The following CFAP54 variants were observed in gnomAD, a reference collection of about 807,000 sequenced individuals.
CFAP54 encodes the protein cilia and flagella associated protein 54, also known as cilia- and flagella-associated protein 54.
CFAP54 carries 290 observed loss-of-function variants against 370.4 expected under a neutral mutation model. The ratio of observed to expected loss-of-function variants is 0.78; its 90% CI spans 0.71 to 0.86. CFAP54 has a LOEUF of 0.86. Among genes scored for constraint, CFAP54 ranks in the 40% least tolerant of loss-of-function variants. The pLI is 0.00. For synonymous variants in CFAP54, 1,206 were observed against 1,236.5 expected (o/e 0.98, Z 0.52); for missense variants, 3,399 against 3,528.7 (o/e 0.96, Z 0.93).
intron 63 of CFAP54, among the ~76,000 whole-genome samples, chr12:96,802,842 C>T (rs1013339861): frequency 8.5e-5 from 13 of 152,142 alleles, no homozygotes; most frequent in East Asian, 7.7e-4. Flanking sequence ...CCCTACCCAC[C>T]GACAGGCCCC....
intron 1 of CFAP54, among the ~76,000 whole-genome samples, chr12:96,499,580 TTACCA>T (rs899018194): frequency 8.5e-5 from 13 of 152,142 alleles, no homozygotes; most frequent in African/African-American, 2.9e-4. Context: ...AAACATATTC[TTACCA>T]TAACATTCAC....
At chr12:96,823,985 AATG>A (rs1565991768) in intron 65 of CFAP54, among the ~76,000 whole-genome samples, 1 of 152,186 alleles carries the variant, frequency 6.6e-6, no homozygotes, top group Non-Finnish European at 1.5e-5. Context: ...GATGAAGGAA[AATG>A]ATGATTTCAA....
intron 50 of CFAP54, among the ~76,000 whole-genome samples, chr12:96,729,824 A>G (rs957624959): frequency 6.6e-6 from 1 of 152,168 alleles, no homozygotes; most frequent in African/African-American, 2.4e-5. Flanking sequence ...CTATTTGGCC[A>G]TCTTGGCTCC....
intron 46 of CFAP54, among the ~76,000 whole-genome samples, chr12:96,704,444 GTA>G (rs1230836209): frequency 5.1e-5 from 2 of 39,530 alleles, no homozygotes; most frequent in Non-Finnish European, 9.6e-5. Context: ...AAAAAAAAAT[GTA>G]TGTGTGTATA....
At chr12:96,839,580 C>A (rs1959199062) in intron 66 of CFAP54, among the ~76,000 whole-genome samples, 1 of 152,240 alleles carries the variant, frequency 6.6e-6, no homozygotes, top group Admixed American at 6.5e-5. Context: ...TAACAAAGCA[C>A]CCCAAACTTA....
chr12:96,869,933 C>T (rs1217362178), intron 67 of CFAP54, among the ~76,000 whole-genome samples: 1 of 36,866 alleles, frequency 2.7e-5, no homozygotes, highest in East Asian at 7.5e-4. Flanking sequence ...AAAACTCCGT[C>T]AAAAAAAAAA....
intron 17 of CFAP54, among the ~76,000 whole-genome samples, chr12:96,556,226 G>C (rs1438660833): frequency 6.6e-6 from 1 of 151,596 alleles, no homozygotes; most frequent in Non-Finnish European, 1.5e-5. Flanking sequence ...TTCAAAAAGT[G>C]CTGATCCTAA....
chr12:96,785,863 A>G (rs776976511), intron 61 of CFAP54, among the ~76,000 whole-genome samples: 1 of 152,192 alleles, frequency 6.6e-6, no homozygotes, highest in South Asian at 2.1e-4. Context: ...GGGAGCTCCT[A>G]GATAAACATA....
intron 22 of CFAP54, among the ~76,000 whole-genome samples, chr12:96,584,003 G>A (rs1956053842): frequency 6.6e-6 from 1 of 152,190 alleles, no homozygotes; most frequent in Non-Finnish European, 1.5e-5. Flanking sequence ...AGAGTTTGAT[G>A]TTGGAACATG....
At chr12:96,576,499 A>T in intron 19 of CFAP54, 86 bp from the exon 20 acceptor site, 1 of 1,007,960 alleles carries the variant, frequency 9.9e-7, no homozygotes, top group East Asian at 2.7e-5. Context: ...AAAATATAAC[A>T]TTGTTTAACA....
At chr12:96,854,296 T>G (rs1441077714) in intron 66 of CFAP54, among the ~76,000 whole-genome samples, 2 of 152,150 alleles carry the variant, frequency 1.3e-5, no homozygotes, top group African/African-American at 4.8e-5. Flanking sequence ...AAAATGTTTC[T>G]TGTATTTTTC....
At chr12:96,521,784 C>A (rs1014800822) in intron 6 of CFAP54, 73 bp from the exon 7 acceptor site, 56 of 1,161,412 alleles carry the variant, frequency 4.8e-5, no homozygotes, top group Non-Finnish European at 6.3e-5. Flanking sequence ...CCTGGGAGAA[C>A]AAAACATTGT....
At chr12:96,770,611 G>C (rs1187511413) in intron 60 of CFAP54, among the ~76,000 whole-genome samples, 1 of 152,190 alleles carries the variant, frequency 6.6e-6, no homozygotes, top group Non-Finnish European at 1.5e-5. Flanking sequence ...CCTTAGCAGG[G>C]CCCAGGCCAT....
intron 1 of CFAP54, among the ~76,000 whole-genome samples, chr12:96,493,826 G>T (rs1015475248): frequency 2.6e-5 from 4 of 151,836 alleles, no homozygotes; most frequent in Non-Finnish European, 5.9e-5. Flanking sequence ...ACAAAACAAA[G>T]AAATGATAAA....
Position 96,867,716 on chromosome 12 carries a change from C to G in CFAP54, c.*14+6764C>G, listed in dbSNP as rs574396837. Among the ~76,000 whole-genome samples the G allele has an allele frequency of 1.4e-3, 216 of 152,174 alleles. 3 individuals carry two copies. Among genetic ancestry groups the G allele is most frequent in the Middle Eastern group, 0.01 (3 of 294 alleles). On this transcript the variant is annotated intron_variant, in intron 67 of 67. Transcript: ENST00000524981. ...ATATGGAATCTAAAAAAGTTAAACT[C>G]GTAGAAGCAGAGAGTAGTTACCAGG...
chr12:96,592,509 G>T lies in CFAP54; in HGVS notation c.3232G>T (p.Ala1078Ser). 1 of 698,776 alleles carries T rather than the reference G, an allele frequency of 1.4e-6. No homozygotes were observed. The highest frequency in any genetic ancestry group is 2.2e-6 in the Non-Finnish European group (1 of 444,954). 43.3% of individuals were successfully genotyped at this position (698,776 alleles called of 1,614,324 possible). ...TQRRLHSDIL[A>S]ETSSILLYLF... ...TTGCAGATTACATTCAGATATTTTG[G>T]CAGAGACTTCTTCAATCCTCTTGTA... Residue 1078 changes from alanine to serine, a missense_variant, in exon 24 of 68, where the codon GCA (alanine) becomes TCA (serine). Physicochemically the swap from Ala to Ser is moderately conservative, Grantham distance 99. Coordinates refer to ENST00000524981, the MANE Select transcript of CFAP54 (RefSeq NM_001306084.2).
At chr12:96,713,245 C>A (rs1285871363) in intron 48 of CFAP54, among the ~76,000 whole-genome samples, 2 of 152,154 alleles carry the variant, frequency 1.3e-5, no homozygotes, top group Non-Finnish European at 2.9e-5. Context: ...ATGTTTATTG[C>A]AGCACTGCTA....
intron 66 of CFAP54, among the ~76,000 whole-genome samples, chr12:96,839,256 G>T (rs373037463): frequency 2.0e-5 from 3 of 152,172 alleles, no homozygotes; most frequent in African/African-American, 4.8e-5. Flanking sequence ...ACTTTACAAG[G>T]TCATTGTGTG....
intron 17 of CFAP54, among the ~76,000 whole-genome samples, chr12:96,560,309 A>G (rs2136406468): frequency 6.6e-6 from 1 of 152,244 alleles, no homozygotes; most frequent in Non-Finnish European, 1.5e-5. Context: ...GTTAACCATC[A>G]TTCGACTCTC....
Sources: allele counts gnomAD v4.1 joint callset (sites outside exome capture counted in the v4.1 genomes callset), GRCh38; gene constraint gnomAD v4.1.1; transcripts MANE v1.5; gene names NCBI Gene and HGNC (gene_info 2026-07-23, HGNC 2026-07-21).